Variants in KIF4A observed in about 807,000 individuals in gnomAD.
The protein encoded by KIF4A is chromosome-associated kinesin KIF4A.
A neutral mutation model predicts 105.9 loss-of-function variants in KIF4A; 7 were observed. The ratio of observed to expected loss-of-function variants is 0.07; its 90% CI spans 0.04 to 0.12. The LOEUF is 0.12. KIF4A is among the 10% of genes least tolerant of loss of function. The probability of loss-of-function intolerance (pLI) is 1.00; values close to 1 mark genes in which losing one functional copy is unlikely to be tolerated. For synonymous variants in KIF4A, 281 were observed against 331.3 expected (o/e 0.85, Z 1.65); for missense variants, 558 against 929.2 (o/e 0.60, Z 5.19).
At chrX:70,305,091 T>C (rs1291877385) in intron 7 of KIF4A, among the ~76,000 whole-genome samples, 1 of 111,841 alleles carries the variant, frequency 8.9e-6, no homozygotes, top group Non-Finnish European at 1.9e-5. Flanking sequence ...GGACAAAGGT[T>C]TTCATTTATC....
intron 18 of KIF4A, among the ~76,000 whole-genome samples, chrX:70,380,729 A>G (rs1218182766): frequency 8.9e-6 from 1 of 112,473 alleles, no homozygotes; most frequent in African/African-American, 3.2e-5. Flanking sequence ...GAAAAGGTGA[A>G]GCAAGACTAT....
At chrX:70,375,453 A>T (rs1297264376) in intron 17 of KIF4A, 105 bp downstream of exon 17, 1 of 798,296 alleles carries the variant, frequency 1.3e-6, no homozygotes, top group Non-Finnish European at 1.8e-6. Flanking sequence ...AATAGCAGGC[A>T]GAGCAATCAT....
At chrX:70,366,109 T>C (rs1372543733) in intron 15 of KIF4A, among the ~76,000 whole-genome samples, 1 of 112,057 alleles carries the variant, frequency 8.9e-6, no homozygotes, top group Non-Finnish European at 1.9e-5. Context: ...TCATTTTTTA[T>C]TGCGTCCAGT....
At chrX:70,304,969 T>C (rs1468359060) in intron 7 of KIF4A, among the ~76,000 whole-genome samples, 1 of 111,665 alleles carries the variant, frequency 9.0e-6, no homozygotes, top group African/African-American at 3.3e-5. Flanking sequence ...GCCTCATTTC[T>C]TTCTATTGCT....
chrX:70,371,598 C>T (rs1243086908), intron 15 of KIF4A, among the ~76,000 whole-genome samples: 62 of 104,108 alleles, frequency 6.0e-4, no homozygotes, highest in African/African-American at 1.9e-3. Context: ...GCTGGCCGGG[C>T]GGGGGGCTGA....
At chrX:70,326,840 T>A (rs2085912856) in intron 7 of KIF4A, among the ~76,000 whole-genome samples, 1 of 112,288 alleles carries the variant, frequency 8.9e-6, no homozygotes, top group Non-Finnish European at 1.9e-5. Context: ...AAGAGAAACA[T>A]TCATGTCTCT....
At chrX:70,348,164 C>A (rs2086001942) in intron 13 of KIF4A, among the ~76,000 whole-genome samples, 1 of 108,206 alleles carries the variant, frequency 9.2e-6, no homozygotes, top group African/African-American at 3.4e-5. Flanking sequence ...TCTCTTCAGG[C>A]CAGGCGCAGT....
intron 15 of KIF4A, 82 bp from the exon 16 acceptor site, chrX:70,374,069 C>T: frequency 1.9e-6 from 1 of 519,975 alleles, no homozygotes; most frequent in Non-Finnish European, 3.2e-6. Flanking sequence ...ATGCATAGTT[C>T]CTTGAGACAT....
chrX:70,293,142 A>C (rs1484609253), intron 3 of KIF4A, among the ~76,000 whole-genome samples: 3 of 112,420 alleles, frequency 2.7e-5, no homozygotes, highest in Non-Finnish European at 5.6e-5. Flanking sequence ...TTACAGTGAA[A>C]ATCTCAATTT....
intron 15 of KIF4A, among the ~76,000 whole-genome samples, chrX:70,371,780 AGGTGGAGG>A (rs1276859956): frequency 7.3e-5 from 7 of 96,361 alleles, no homozygotes; most frequent in Non-Finnish European, 1.0e-4. Context: ...GGTGGCTGCC[AGGTGGAGG>A]GGCTCCTCAC....
At chrX:70,419,293 G>A (rs893508114) in intron 29 of KIF4A, among the ~76,000 whole-genome samples, 2 of 111,748 alleles carry the variant, frequency 1.8e-5, no homozygotes, top group East Asian at 2.8e-4. Context: ...TCTCTCTCTC[G>A]GACTCAGTTT....
At chrX:70,292,282 G>T (rs2085764228) in intron 3 of KIF4A, among the ~76,000 whole-genome samples, 1 of 111,879 alleles carries the variant, frequency 8.9e-6, no homozygotes, top group African/African-American at 3.3e-5. Flanking sequence ...AATATTTTAT[G>T]GCAAAAAGAT....
At chrX:70,366,851 G>C (rs897195875) in intron 15 of KIF4A, among the ~76,000 whole-genome samples, 3 of 111,658 alleles carry the variant, frequency 2.7e-5, no homozygotes, top group African/African-American at 9.8e-5. Flanking sequence ...ACAGTGAGGT[G>C]TTAAAGTCTC....
Position 70,371,602 on chromosome X carries a change from G to C in KIF4A, c.1675-2549G>C, listed in dbSNP as rs1372384632. ...CGGACGGGGCAGCTGGCCGGGCGGG[G>C]GGCTGACCCCCCCACCTCCCTCCCG... On this transcript the variant is annotated intron_variant, in intron 15 of 30. Coordinates refer to ENST00000374403, the MANE Select transcript of KIF4A (RefSeq NM_012310.5). 8.4e-5 allele frequency among the ~76,000 whole-genome samples: 9 copies of C among 106,935 alleles called. No individual in the cohort carries two copies. The South Asian group carries it at 1.3e-3, about 15-fold the overall frequency. 92.9% of individuals were successfully genotyped at this position (106,935 alleles called of 115,157 possible). A position where few individuals can be genotyped will look rare whatever the true frequency, so the allele number is the denominator to read the frequency against.
At chrX:70,362,065 T>C (rs1394531370) in intron 15 of KIF4A, 1 of 160,139 alleles carries the variant, frequency 6.2e-6, no homozygotes, top group Non-Finnish European at 1.2e-5. Flanking sequence ...AATGTCACCA[T>C]GGACAAGCTA....
At chrX:70,344,840 T>C (rs2085985918) in intron 13 of KIF4A, among the ~76,000 whole-genome samples, 1 of 111,937 alleles carries the variant, frequency 8.9e-6, no homozygotes, top group Non-Finnish European at 1.9e-5. Flanking sequence ...TATCCACACA[T>C]AGATTTATTC....
At chrX:70,320,099 CTT>C (rs2085884862) in intron 7 of KIF4A, among the ~76,000 whole-genome samples, 1 of 111,964 alleles carries the variant, frequency 8.9e-6, no homozygotes. Context: ...ATCACTTTTG[CTT>C]TTTCTTCTTG....
chrX:70,360,601 C>T (rs1231905666), intron 15 of KIF4A, among the ~76,000 whole-genome samples: 1 of 113,365 alleles, frequency 8.8e-6, no homozygotes, highest in African/African-American at 3.2e-5. Flanking sequence ...GAACCGTCAC[C>T]TCAGTCCTGG....
At chrX:70,390,597 G>A (rs2086234243) in intron 20 of KIF4A, among the ~76,000 whole-genome samples, 1 of 111,216 alleles carries the variant, frequency 9.0e-6, no homozygotes, top group African/African-American at 3.3e-5. Flanking sequence ...TATGGCAAAT[G>A]GCACTGATTT....
Sources: gnomAD v4.1 joint callset for allele counts (sites outside exome capture counted in the v4.1 genomes callset) on GRCh38, gnomAD v4.1.1 for gene constraint, MANE v1.5 for transcripts, NCBI Gene and HGNC (gene_info 2026-07-23, HGNC 2026-07-21) for gene names.